NKAIN2: variants seen among roughly 807,000 people sequenced by gnomAD.
NKAIN2 encodes sodium/potassium-transporting ATPase subunit beta-1-interacting protein 2.
NKAIN2 carries 14 observed loss-of-function variants against 32.6 expected under a neutral mutation model. That is an observed-to-expected ratio of 0.43 (90% CI 0.28 to 0.67). The LOEUF (loss-of-function observed/expected upper bound fraction) is 0.67, where lower values mean the gene tolerates loss of function less well. Ranked by LOEUF, NKAIN2 falls within the 30% of genes least tolerant of loss-of-function variation. The probability of loss-of-function intolerance (pLI) is 0.17; values close to 1 mark genes in which losing one functional copy is unlikely to be tolerated. For synonymous variants in NKAIN2, 80 were observed against 87.2 expected (o/e 0.92, Z 0.46); for missense variants, 198 against 258.3 (o/e 0.77, Z 1.60).
intron 1 of NKAIN2, among the ~76,000 whole-genome samples, chr6:124,040,832 A>C (rs1048073070): frequency 5.3e-5 from 8 of 152,010 alleles, no homozygotes; most frequent in South Asian, 2.1e-4. Context: ...TACTTATTTC[A>C]GTGACATGAA....
rs372452900 is a variant in NKAIN2 at position 123,938,524 on chromosome 6, T to C, written c.54+134270T>C. ...ATATATAATATATTATATATATTTA[T>C]ATATTATATTTTTTATATATTATAT... On this transcript the variant is annotated intron_variant, in intron 1 of 6. Coordinates refer to ENST00000368417, the MANE Select transcript of NKAIN2 (RefSeq NM_001040214.3). Among the ~76,000 whole-genome samples, 139 of 139,520 alleles carry C rather than the reference T, an allele frequency of 1.0e-3. 1 individual carries two copies. The highest frequency in any genetic ancestry group is 3.2e-3 in the African/African-American group (123 of 38,544). 91.5% of individuals were successfully genotyped at this position (139,520 alleles called of 152,430 possible). A position where few individuals can be genotyped will look rare whatever the true frequency, so the allele number is the denominator to read the frequency against.
At chr6:124,210,391 T>G (rs1428075638) in intron 1 of NKAIN2, among the ~76,000 whole-genome samples, 6 of 151,992 alleles carry the variant, frequency 3.9e-5, no homozygotes, top group Non-Finnish European at 5.9e-5. Flanking sequence ...AGTTTTGTTC[T>G]TTTTGCTCAG....
intron 3 of NKAIN2, among the ~76,000 whole-genome samples, chr6:124,466,949 G>A (rs1776784104): frequency 6.6e-6 from 1 of 152,064 alleles, no homozygotes; most frequent in Non-Finnish European, 1.5e-5. Flanking sequence ...AGCAAAAGGT[G>A]TGGATAATAA....
chr6:124,414,600 G>T (rs1774376138), intron 3 of NKAIN2, among the ~76,000 whole-genome samples: 1 of 152,046 alleles, frequency 6.6e-6, no homozygotes, highest in Non-Finnish European at 1.5e-5. Flanking sequence ...CTAAATATTT[G>T]TTATAAATCA....
rs560666628 is a variant in NKAIN2 at position 124,081,106 on chromosome 6, G to A, written c.55-201899G>A. ...AATCCTATATTAAAAGATTTATATT[G>A]CATATTGACTTTCCTCTATGCAGTT... On this transcript the variant is annotated intron_variant, in intron 1 of 6. Transcript: ENST00000368417. 2.0e-5 allele frequency among the ~76,000 whole-genome samples: 3 copies of A among 149,444 alleles called. No homozygotes were observed. The East Asian group carries it at 6.4e-4, about 32-fold the overall frequency.
At chr6:124,517,399 C>CT (rs34092874) in intron 3 of NKAIN2, among the ~76,000 whole-genome samples, 2 of 152,194 alleles carry the variant, frequency 1.3e-5, no homozygotes, top group African/African-American at 4.8e-5. Flanking sequence ...AAAATCTGAT[C>CT]TTTTTTCCCT....
chr6:123,925,593 C>A (rs1388572641), intron 1 of NKAIN2, among the ~76,000 whole-genome samples: 1 of 152,136 alleles, frequency 6.6e-6, no homozygotes, highest in Non-Finnish European at 1.5e-5. Flanking sequence ...TTTAAAAAAA[C>A]AGTCATTTCA....
chr6:123,869,722 C>A (rs1772767519), intron 1 of NKAIN2, among the ~76,000 whole-genome samples: 3 of 152,126 alleles, frequency 2.0e-5, no homozygotes, highest in South Asian at 4.1e-4. Context: ...ACTCTCCCAA[C>A]AAAGATATTG....
intron 1 of NKAIN2, among the ~76,000 whole-genome samples, chr6:124,159,214 T>A (rs531282574): frequency 6.6e-6 from 1 of 152,274 alleles, no homozygotes; most frequent in South Asian, 2.1e-4. Flanking sequence ...GTTCCAGAGG[T>A]CTTCAGAATT....
chr6:124,807,738 G>A lies in NKAIN2; in HGVS notation c.536-10649G>A, dbSNP rs149148963. Among the ~76,000 whole-genome samples the A allele has an allele frequency of 4.6e-3, 698 of 150,650 alleles. 5 individuals are homozygous for A. The highest frequency in any genetic ancestry group is 0.015 in the African/African-American group (623 of 41,140). On this transcript the variant is annotated intron_variant, in intron 5 of 6. Coordinates refer to ENST00000368417, the MANE Select transcript of NKAIN2 (RefSeq NM_001040214.3). The stretch of plus-strand genomic sequence containing the variant: ...AAAGGATCAACAAAATTGATAGACC[G>A]CTAGCAATAAAGAAAAAAAGAGAGA...
intron 1 of NKAIN2, among the ~76,000 whole-genome samples, chr6:124,073,800 T>C (rs1278197777): frequency 1.3e-5 from 2 of 152,088 alleles, no homozygotes; most frequent in Admixed American, 6.6e-5. Context: ...GGGTCCTCCC[T>C]GCTCCCCCAC....
intron 3 of NKAIN2, among the ~76,000 whole-genome samples, chr6:124,601,058 A>G (rs1281029545): frequency 6.6e-6 from 1 of 152,038 alleles, no homozygotes; most frequent in Admixed American, 6.6e-5. Context: ...TATCATAGAG[A>G]TAGGAAGGAT....
chr6:124,223,847 C>A (rs1456469519), intron 1 of NKAIN2, among the ~76,000 whole-genome samples: 4 of 152,050 alleles, frequency 2.6e-5, no homozygotes, highest in South Asian at 2.1e-4. Context: ...ATGACAAAGA[C>A]AATGAAAATA....
intron 3 of NKAIN2, among the ~76,000 whole-genome samples, chr6:124,530,882 G>C (rs1247148823): frequency 6.6e-6 from 1 of 152,188 alleles, no homozygotes; most frequent in East Asian, 1.9e-4. Context: ...CCAGAAGAAA[G>C]AATGAATTAG....
At chr6:124,235,621 CAG>C (rs1460222214) in intron 1 of NKAIN2, among the ~76,000 whole-genome samples, 1 of 148,986 alleles carries the variant, frequency 6.7e-6, no homozygotes. Flanking sequence ...TTTCCTGAGA[CAG>C]AGTCTCACTC....
At chr6:124,561,683 G>A (rs971139204) in intron 3 of NKAIN2, among the ~76,000 whole-genome samples, 2 of 152,036 alleles carry the variant, frequency 1.3e-5, no homozygotes, top group African/African-American at 4.8e-5. Context: ...TGGGGTGGAT[G>A]GGAGACAGTC....
At chr6:124,045,224 A>T (rs1362981176) in intron 1 of NKAIN2, among the ~76,000 whole-genome samples, 10 of 151,846 alleles carry the variant, frequency 6.6e-5, no homozygotes, top group Admixed American at 2.0e-4. Context: ...ATATATATGA[A>T]ACTACTGGTC....
chr6:124,349,793 A>G (rs73770416), intron 2 of NKAIN2, among the ~76,000 whole-genome samples: 2,587 of 152,290 alleles, frequency 0.017, 77 homozygotes, highest in East Asian at 0.11. Context: ...TTTATCTTAT[A>G]TAGCTAATTT....
chr6:123,961,658 G>A (rs1192389254), intron 1 of NKAIN2, among the ~76,000 whole-genome samples: 2 of 152,110 alleles, frequency 1.3e-5, no homozygotes, highest in East Asian at 3.9e-4. Context: ...AACCGAAAAT[G>A]ACCACTGCTA....
Sources: allele counts gnomAD v4.1 joint callset (sites outside exome capture counted in the v4.1 genomes callset), GRCh38; gene constraint gnomAD v4.1.1; transcripts MANE v1.5; gene names NCBI Gene and HGNC (gene_info 2026-07-23, HGNC 2026-07-21).